Variants in GAREM2 observed in about 807,000 individuals in gnomAD.
GAREM2 encodes the protein GRB2-associated and regulator of MAPK protein 2.
In GAREM2, 30 loss-of-function variants were observed where a neutral mutation model predicts 55.6. The ratio of observed to expected loss-of-function variants is 0.54; its 90% CI spans 0.40 to 0.73. GAREM2 has a LOEUF of 0.73. Ranked by LOEUF, GAREM2 falls within the 30% of genes least tolerant of loss-of-function variation. GAREM2 has a pLI of 0.00. For missense variants in GAREM2, 1,075 were observed against 1,257.7 expected, an observed-to-expected ratio of 0.85 and a Z score of 2.20; for synonymous variants, 550 against 569.1, an observed-to-expected ratio of 0.97 and a Z score of 0.48.
At chr2:26,197,822 G>A in the GAREM2 span, 1 of 952,204 alleles carries the variant, frequency 1.1e-6, no homozygotes, top group Admixed American at 1.7e-5. Flanking sequence ...AGGCCTGGGA[G>A]ATGATTAGAG....
the GAREM2 span, among the ~76,000 whole-genome samples, chr2:26,195,545 C>T: frequency 2.4e-4 from 34 of 143,274 alleles, no homozygotes; most frequent in East Asian, 5.4e-3. Flanking sequence ...GATGAAGGTT[C>T]CACTTATATT....
the GAREM2 span, chr2:26,201,174 T>C: frequency 6.2e-7 from 1 of 1,613,970 alleles, no homozygotes. Context: ...TAGCACTCTG[T>C]GCTTAAGACT....
intron 3 of GAREM2, among the ~76,000 whole-genome samples, chr2:26,183,307 G>C (rs1034870168): frequency 1.3e-5 from 2 of 152,266 alleles, no homozygotes; most frequent in East Asian, 3.8e-4. Flanking sequence ...AGGTAGTGAA[G>C]CAGGAGCGGG....
chr2:26,181,860 T>G (rs1669060905), intron 2 of GAREM2: 1 of 224,214 alleles, frequency 4.5e-6, no homozygotes, highest in Non-Finnish European at 7.5e-6. Context: ...ATGCCTGTGG[T>G]CCCAGGTACT....
In GAREM2 at chr2:26,176,381, G is replaced by A; in HGVS notation, c.150G>A (p.Leu50=). ...AGGGCGTCAGTGAGCGAGACATCCT[G>A]CTCATCCACTCCTGCCGGCAGTGGA... is the stretch of plus-strand genomic sequence containing the variant. ...YAEGVSERDI[L]LIHSCRQWTT... The change falls in exon 2 of 6, where the codon CTG becomes CTA. Residue 50 remains leucine (L), a synonymous_variant. Transcript: ENST00000401533. 1 of 1,549,178 alleles carries A rather than the reference G, an allele frequency of 6.5e-7. No homozygotes were observed. Among genetic ancestry groups the A allele is most frequent in the Non-Finnish European group, 8.7e-7 (1 of 1,145,658 alleles).
At chr2:26,200,141 G>A in the GAREM2 span, among the ~76,000 whole-genome samples, 1 of 152,136 alleles carries the variant, frequency 6.6e-6, no homozygotes, top group African/African-American at 2.4e-5. Context: ...GATAATGTTT[G>A]TTTGTTTGTT....
At chr2:26,186,413 G>A in intron 5 of GAREM2, 55 bp downstream of exon 5, 2 of 1,479,266 alleles carry the variant, frequency 1.4e-6, no homozygotes, top group Non-Finnish European at 1.8e-6. Flanking sequence ...AGGCAGGGAA[G>A]GGTGAGGAGG....
downstream of GAREM2, chr2:26,193,466 C>T: frequency 2.2e-6 from 2 of 916,546 alleles, no homozygotes; most frequent in Admixed American, 3.4e-5. Context: ...GATAAGGGCT[C>T]TGTGTTTAGA....
At chr2:26,204,153 C>T in the GAREM2 span, 13 of 1,613,596 alleles carry the variant, frequency 8.1e-6, no homozygotes, top group Admixed American at 5.0e-5. Context: ...GAGACTTGGG[C>T]GATGCCTGCT....
chr2:26,196,988 A>G, the GAREM2 span, among the ~76,000 whole-genome samples: 1 of 152,246 alleles, frequency 6.6e-6, no homozygotes, highest in Admixed American at 6.5e-5. Context: ...GCAAGCTAGA[A>G]GAGTAGGAAT....
downstream of GAREM2, chr2:26,191,445 G>A: frequency 1.2e-6 from 2 of 1,614,176 alleles, no homozygotes; most frequent in Non-Finnish European, 1.7e-6. Flanking sequence ...ACGGGCTCCA[G>A]GCTAAAGTGA....
At chr2:26,203,938 A>T in the GAREM2 span, 1 of 955,050 alleles carries the variant, frequency 1.0e-6, no homozygotes, top group Non-Finnish European at 1.7e-6. Flanking sequence ...CATTATGTTC[A>T]GGAAAAAGGA....
rs543901501 is a variant in GAREM2 at position 26,179,421 on chromosome 2, C to T, written c.253+2937C>T. Among the ~76,000 whole-genome samples the T allele has an allele frequency of 4.6e-4, 70 of 152,298 alleles. No homozygotes were observed. The highest frequency in any genetic ancestry group is 1.6e-3 in the African/African-American group (65 of 41,554). ...CAGGGTGGGATTCAGCCAGATTTGT[C>T]GCACTCCAAAGCCTGAGCTTTTACC... is the stretch of plus-strand genomic sequence containing the variant. On this transcript the variant is annotated intron_variant, in intron 2 of 5. Transcript: ENST00000401533. This position sits in a 1 kb window ranked among gnomAD's most constrained non-coding sequence, Gnocchi z 4.7.
rs141037985 is a variant in GAREM2 at position 26,181,244 on chromosome 2, C to T, written c.254-1723C>T. On this transcript the variant is annotated intron_variant, in intron 2 of 5. Coordinates refer to ENST00000401533, the MANE Select transcript of GAREM2 (RefSeq NM_001168241.2). ...CCTTTCAAATCCCAGTTGCTGTCTG[C>T]ATCCCCTCCTGTCCTCCCTCTCCCT... 325 of 606,752 alleles carry T rather than the reference C, an allele frequency of 5.4e-4. 3 individuals are homozygous for T. Among genetic ancestry groups the T allele is most frequent in the Non-Finnish European group, 1.7e-4 (81 of 483,824 alleles). 37.6% of individuals were successfully genotyped at this position (606,752 alleles called of 1,614,324 possible).
At chr2:26,181,025 C>T (rs1312703335) in intron 2 of GAREM2, 1 of 985,446 alleles carries the variant, frequency 1.0e-6, no homozygotes, top group African/African-American at 1.7e-5. Flanking sequence ...GTCTCCCTTC[C>T]CAGTATCTCT....
chr2:26,194,571 T>C (rs1558315109), downstream of GAREM2: 1 of 1,597,258 alleles, frequency 6.3e-7, no homozygotes. Flanking sequence ...AATACCAACC[T>C]GGAGGATTCG....
chr2:26,185,276 GGTGA>G lies in GAREM2; in HGVS notation c.1428+6_1428+9del. Reference sequence around the variant, plus strand: ...CTCCAGTCCCTCCCAAATCCGAGGCGGTGAGTGAGCGCGCTGGGGGCCGAGTCCC... The same window carrying G: ...CTCCAGTCCCTCCCAAATCCGAGGCGGTGAGCGCGCTGGGGGCCGAGTCCC... On this transcript the variant is annotated splice_donor_variant and splice_donor_region_variant and intron_variant, in intron 4 of 5. Coordinates refer to ENST00000401533, the MANE Select transcript of GAREM2 (RefSeq NM_001168241.2). LOFTEE classifies it high-confidence loss of function. The G allele has an allele frequency of 3.3e-6, 5 of 1,513,112 alleles. No homozygotes were observed. The highest frequency in any genetic ancestry group is 4.4e-6 in the Non-Finnish European group (5 of 1,137,476). 93.7% of individuals were successfully genotyped at this position (1,513,112 alleles called of 1,614,324 possible).
At chr2:26,178,175 T>TGG (rs1217807579) in intron 2 of GAREM2, among the ~76,000 whole-genome samples, 5 of 152,200 alleles carry the variant, frequency 3.3e-5, no homozygotes, top group African/African-American at 1.2e-4. Flanking sequence ...CTTTCTGACC[T>TGG]GGGGTTCTAT....
At chr2:26,197,547 A>G in the GAREM2 span, 2 of 692,842 alleles carry the variant, frequency 2.9e-6, no homozygotes, top group South Asian at 2.9e-5. Context: ...TAGTCATGGT[A>G]TTAGCATTTA....
Sources: allele counts gnomAD v4.1 joint callset (sites outside exome capture counted in the v4.1 genomes callset), GRCh38; gene constraint gnomAD v4.1.1; non-coding constraint Gnocchi (gnomAD v3.1); transcripts MANE v1.5; gene names NCBI Gene and HGNC (gene_info 2026-07-23, HGNC 2026-07-21).